Variants in FHIT observed in about 807,000 individuals in gnomAD.
The protein encoded by FHIT is bis(5'-adenosyl)-triphosphatase.
FHIT carries 19 observed loss-of-function variants against 17.9 expected under a neutral mutation model. That is an observed-to-expected ratio of 1.06 (90% confidence interval 0.74 to 1.56). The LOEUF (loss-of-function observed/expected upper bound fraction) is 1.56, where lower values mean the gene tolerates loss of function less well. Ranked by LOEUF, FHIT falls within the 40% of genes most tolerant of loss-of-function variation. FHIT has a pLI of 0.00. For missense variants in FHIT, 248 were observed against 189.2 expected (o/e 1.31, Z -1.82); for synonymous variants, 81 against 69.7 (o/e 1.16, Z -0.81).
intron 5 of FHIT, among the ~76,000 whole-genome samples, chr3:60,479,264 AAGTTTT>A (rs1458958958): frequency 1.3e-5 from 2 of 152,178 alleles, no homozygotes; most frequent in Admixed American, 6.5e-5. Context: ...TTCAGAAACA[AAGTTTT>A]GAGTGTCCTA....
chr3:59,865,359 C>T lies in FHIT; in HGVS notation c.348+56987G>A, dbSNP rs116783996. On this transcript the variant is annotated intron_variant, in intron 8 of 9. Transcript: ENST00000492590. ...TGAAGAATCATTCATCGTGCAAGCA[C>T]GTTAGCTATTCTATTCACTTTAGAG... Among the ~76,000 whole-genome samples the T allele has an allele frequency of 4.5e-3, 693 of 152,342 alleles. 4 individuals carry two copies. Among genetic ancestry groups the T allele is most frequent in the Non-Finnish European group, 7.4e-3 (504 of 68,020 alleles).
chr3:60,053,045 G>T (rs778723450), intron 5 of FHIT, among the ~76,000 whole-genome samples: 4 of 151,672 alleles, frequency 2.6e-5, no homozygotes, highest in Non-Finnish European at 4.4e-5. Context: ...CATGCTTCAG[G>T]CATGCTGACC....
chr3:61,023,777 G>T (rs1169991482), intron 3 of FHIT, among the ~76,000 whole-genome samples: 1 of 152,092 alleles, frequency 6.6e-6, no homozygotes, highest in Non-Finnish European at 1.5e-5. Context: ...AAATGGTGTT[G>T]GGAAAACTGG....
intron 5 of FHIT, among the ~76,000 whole-genome samples, chr3:60,385,140 C>G (rs1470188662): frequency 1.3e-5 from 2 of 152,154 alleles, no homozygotes; most frequent in African/African-American, 4.8e-5. Context: ...GTGTCCCACT[C>G]TGAATTCTAC....
intron 8 of FHIT, among the ~76,000 whole-genome samples, chr3:59,807,042 G>GCT (rs1478718540): frequency 1.3e-5 from 2 of 152,180 alleles, no homozygotes; most frequent in South Asian, 2.1e-4. Flanking sequence ...GCTAGTATGG[G>GCT]ACTCTGGCTG....
At chr3:59,828,733 T>A (rs923454598) in intron 8 of FHIT, among the ~76,000 whole-genome samples, 3 of 152,134 alleles carry the variant, frequency 2.0e-5, no homozygotes, top group African/African-American at 7.2e-5. Flanking sequence ...AACGGGAAAA[T>A]CTCTTTCCAA....
chr3:60,573,210 A>T (rs1222545478), intron 4 of FHIT, among the ~76,000 whole-genome samples: 1 of 152,132 alleles, frequency 6.6e-6, no homozygotes, highest in Non-Finnish European at 1.5e-5. Context: ...TGAGGACAAC[A>T]TGGGGCACTG....
chr3:60,905,339 A>G (rs1706350306), intron 3 of FHIT, among the ~76,000 whole-genome samples: 1 of 152,230 alleles, frequency 6.6e-6, no homozygotes, highest in Admixed American at 6.5e-5. Context: ...CCTCTCAGGC[A>G]TTGCTAGTTA....
In FHIT at chr3:61,028,956, A is replaced by G. The variant is rs185287194; in HGVS notation, c.-111+13091T>C. On this transcript the variant is annotated intron_variant, in intron 3 of 9. Transcript: ENST00000492590. ...GCCCACTTAGTAGTCCTGAGGTAGT[A>G]GAATATTCCTGGAGGTCTAGGTCAG... 2.0e-3 allele frequency among the ~76,000 whole-genome samples: 304 copies of G among 152,222 alleles called. 1 individual carries two copies. Among genetic ancestry groups the G allele is most frequent in the African/African-American group, 7.2e-3 (298 of 41,540 alleles).
At chr3:60,894,095 C>CT (rs1485040275) in intron 3 of FHIT, among the ~76,000 whole-genome samples, 1 of 152,110 alleles carries the variant, frequency 6.6e-6, no homozygotes, top group Non-Finnish European at 1.5e-5. Context: ...ATTTAGCATG[C>CT]TTTTTATTGT....
At chr3:59,772,299 T>C (rs1003804875) in intron 8 of FHIT, among the ~76,000 whole-genome samples, 24 of 152,260 alleles carry the variant, frequency 1.6e-4, no homozygotes, top group African/African-American at 5.8e-4. Flanking sequence ...CTCACTTTTA[T>C]CACCCACGCT....
chr3:59,928,994 CAAAAAAAA>C lies in FHIT; in HGVS notation c.280-6588_280-6581del, dbSNP rs56107626. Reference sequence around the variant, plus strand: ...TGGGCGACAGAGTGAGACTTCATCTCAAAAAAAAAAAAAAAAAAAAAAAAAAGGACAGA... The same window carrying C: ...TGGGCGACAGAGTGAGACTTCATCTCAAAAAAAAAAAAAAAAAAGGACAGA... On this transcript the variant is annotated intron_variant, in intron 7 of 9. Transcript: ENST00000492590. 3.6e-4 allele frequency among the ~76,000 whole-genome samples: 12 copies of C among 33,140 alleles called. No homozygotes were observed. The South Asian group carries it at 0.022, about 60-fold the overall frequency. The allele number at this position is 33,140 out of a possible 152,430, so 21.7% of individuals were successfully genotyped here. A position where few individuals can be genotyped will look rare whatever the true frequency, so the allele number is the denominator to read the frequency against.
intron 5 of FHIT, among the ~76,000 whole-genome samples, chr3:60,480,053 T>A (rs568332193): frequency 1.3e-5 from 2 of 152,166 alleles, no homozygotes; most frequent in Non-Finnish European, 2.9e-5. Flanking sequence ...AGAAGAGGCT[T>A]AATTGACTCA....
intron 2 of FHIT, among the ~76,000 whole-genome samples, chr3:61,165,122 A>G (rs984954453): frequency 6.6e-6 from 1 of 152,130 alleles, no homozygotes; most frequent in Admixed American, 6.6e-5. Flanking sequence ...TGTCTTTTTG[A>G]TAAAATGATT....
At chr3:60,242,386 A>G (rs1055681513) in intron 5 of FHIT, among the ~76,000 whole-genome samples, 6 of 152,076 alleles carry the variant, frequency 3.9e-5, no homozygotes, top group Admixed American at 3.9e-4. Flanking sequence ...TTTCATTAAC[A>G]TGTTCACAAA....
intron 5 of FHIT, among the ~76,000 whole-genome samples, chr3:60,117,705 A>G (rs1309247383): frequency 6.6e-6 from 1 of 152,184 alleles, no homozygotes; most frequent in Non-Finnish European, 1.5e-5. Context: ...ACAGACGCGC[A>G]GAGAATGCAG....
chr3:60,894,865 C>T (rs1553761503), intron 3 of FHIT, among the ~76,000 whole-genome samples: 1 of 152,124 alleles, frequency 6.6e-6, no homozygotes, highest in African/African-American at 2.4e-5. Flanking sequence ...CTCAAACAAA[C>T]AAATGAAAAG....
intron 5 of FHIT, among the ~76,000 whole-genome samples, chr3:60,447,717 A>G (rs2031440162): frequency 6.6e-6 from 1 of 152,146 alleles, no homozygotes; most frequent in African/African-American, 2.4e-5. Context: ...CAAGATGGAG[A>G]ATGTTGCTGA....
chr3:60,953,945 C>A (rs1709003768), intron 3 of FHIT, among the ~76,000 whole-genome samples: 1 of 152,170 alleles, frequency 6.6e-6, no homozygotes, highest in African/African-American at 2.4e-5. Context: ...AAACAAAAAT[C>A]AACCACGAAG....
Sources: allele counts gnomAD v4.1 joint callset (sites outside exome capture counted in the v4.1 genomes callset), GRCh38; gene constraint gnomAD v4.1.1; transcripts MANE v1.5; gene names NCBI Gene and HGNC (gene_info 2026-07-23, HGNC 2026-07-21).